VBP1: variants seen among roughly 807,000 people sequenced by gnomAD.
VBP1 encodes VHL binding protein 1.
In VBP1, 4 loss-of-function variants were observed where a neutral mutation model predicts 15.5. That is an observed-to-expected ratio of 0.26 (90% CI 0.13 to 0.59). VBP1 has a LOEUF of 0.59. Ranked by LOEUF, VBP1 falls within the 20% of genes least tolerant of loss-of-function variation. The probability of loss-of-function intolerance (pLI) is 0.90; values close to 1 mark genes in which losing one functional copy is unlikely to be tolerated. For synonymous variants in VBP1, 61 were observed against 52.1 expected, an observed-to-expected ratio of 1.17 and a Z score of -0.74; for missense variants, 108 against 139.6, an observed-to-expected ratio of 0.77 and a Z score of 1.14.
At chrX:155,202,917 A>T (rs1443938723) in intron 1 of VBP1, among the ~76,000 whole-genome samples, 1 of 111,940 alleles carries the variant, frequency 8.9e-6, no homozygotes, top group Non-Finnish European at 1.9e-5. Context: ...TACAATAAAA[A>T]ATCAAACAAC....
chrX:155,198,131 C>T (rs2074585873), intron 1 of VBP1, among the ~76,000 whole-genome samples: 1 of 112,754 alleles, frequency 8.9e-6, no homozygotes, highest in South Asian at 3.6e-4. Context: ...TGGAGCCCAC[C>T]ACAGCTCAAG....
intron 2 of VBP1, among the ~76,000 whole-genome samples, chrX:155,209,370 CAG>C (rs1271315825): frequency 8.9e-6 from 1 of 111,993 alleles, no homozygotes; most frequent in Non-Finnish European, 1.9e-5. Context: ...TAAAAATAGA[CAG>C]AGAGTTAACA....
Position 155,234,928 on chromosome X carries a change from G to A in VBP1, c.385-1301G>A, listed in dbSNP as rs111807257. Among the ~76,000 whole-genome samples the A allele has an allele frequency of 3.1e-3, 347 of 111,872 alleles. 1 individual carries two copies. Among genetic ancestry groups the A allele is most frequent in the Non-Finnish European group, 5.6e-3 (295 of 53,135 alleles). On this transcript the variant is annotated intron_variant, in intron 4 of 5. Transcript: ENST00000286428. ...TATTTCCTTGAGCATCTTATACAGT[G>A]CCCCATTTTCTTTTGTTGTAAAGCA...
intron 4 of VBP1, among the ~76,000 whole-genome samples, chrX:155,235,116 ATGTG>A (rs112094871): frequency 1.2e-3 from 116 of 97,388 alleles, no homozygotes; most frequent in East Asian, 5.2e-3. Flanking sequence ...GTGTGTGTGT[ATGTG>A]TGTGTGTGTG....
chrX:155,223,809 G>A (rs782108840), intron 2 of VBP1, among the ~76,000 whole-genome samples: 17 of 107,696 alleles, frequency 1.6e-4, no homozygotes, highest in African/African-American at 4.1e-4. Context: ...CGGACGGGGC[G>A]GCTGGCCGGG....
intron 1 of VBP1, among the ~76,000 whole-genome samples, chrX:155,202,057 C>T (rs76477390): frequency 1.7e-3 from 184 of 110,861 alleles, no homozygotes; most frequent in African/African-American, 3.4e-3. Flanking sequence ...TTACAAGGGA[C>T]GTGAAGGACC....
At chrX:155,226,981 T>G (rs1602889259) in intron 2 of VBP1, among the ~76,000 whole-genome samples, 1 of 110,887 alleles carries the variant, frequency 9.0e-6, no homozygotes, top group East Asian at 2.8e-4. Context: ...ATATTTTTAT[T>G]AAGTATTTAT....
At chrX:155,215,652 C>T (rs1016240738), upstream of VBP1, among the ~76,000 whole-genome samples, 8 of 112,224 alleles carry the variant, frequency 7.1e-5, no homozygotes, top group South Asian at 3.6e-4. Flanking sequence ...TTCTTAGGCT[C>T]ATGGTAGAAT....
chrX:155,228,743 C>G (rs1325646053), intron 4 of VBP1, among the ~76,000 whole-genome samples: 2 of 111,626 alleles, frequency 1.8e-5, no homozygotes, highest in African/African-American at 3.3e-5. Flanking sequence ...TAAAACTGAT[C>G]AAACAAACCC....
At chrX:155,221,619 C>T (rs965123299) in intron 2 of VBP1, among the ~76,000 whole-genome samples, 7 of 112,153 alleles carry the variant, frequency 6.2e-5, no homozygotes, top group African/African-American at 1.9e-4. Context: ...TAACTCATTA[C>T]TTTGTACCAA....
rs185365331 is a variant in VBP1, at chrX:155,237,326, C to T, written c.523+959C>T. Among the ~76,000 whole-genome samples, 57 of 111,381 alleles carry T rather than the reference C, an allele frequency of 5.1e-4. 1 individual carries two copies. The East Asian group carries it at 0.014, about 27-fold the overall frequency. ...CAGTCGCCAGATTCACATCAAATTT[C>T]CCTCATAAATCTCTCTGCCCATTAC... is the stretch of plus-strand genomic sequence containing the variant. On this transcript the variant is annotated intron_variant, in intron 5 of 5. Coordinates refer to ENST00000286428, the MANE Select transcript of VBP1 (RefSeq NM_003372.7).
intron 1 of VBP1, among the ~76,000 whole-genome samples, chrX:155,205,925 A>G (rs1418429651): frequency 8.9e-6 from 1 of 112,396 alleles, no homozygotes; most frequent in Non-Finnish European, 1.9e-5. Flanking sequence ...CTGCTAACGT[A>G]AAGGTCTCTA....
Position 155,227,222 on chromosome X carries a change from T to G in VBP1, c.219-13T>G. The G allele has an allele frequency of 8.4e-7, 1 of 1,187,916 alleles. No individual in the cohort carries two copies. On this transcript the variant is annotated splice_polypyrimidine_tract_variant and intron_variant, in intron 2 of 5. Transcript: ENST00000286428. The stretch of plus-strand genomic sequence containing the variant: ...CCTGCAAAATACTAAGTTACTCTTT[T>G]TCTTGTTCACAGGCTAAAAGGTCAG...
At chrX:155,216,356 G>T, upstream of VBP1, 8 of 1,112,236 alleles carry the variant, frequency 7.2e-6, no homozygotes, top group Non-Finnish European at 9.5e-6. Flanking sequence ...GACTTGTGGG[G>T]GACGCTCCCT....
chrX:155,224,225 C>T lies in VBP1; in HGVS notation c.219-3010C>T, dbSNP rs1233553153. 3.6e-5 allele frequency among the ~76,000 whole-genome samples: 4 copies of T among 112,536 alleles called. No homozygotes were observed. In the Admixed American group the frequency reaches 3.7e-4, roughly 10 times the overall value. On this transcript the variant is annotated intron_variant, in intron 2 of 5. Transcript: ENST00000286428. ...GGCGGCCGGGCAGAGGCTGCAATCT[C>T]GGCACTTTGGGAGGCCAAGGCAGGC... is the stretch of plus-strand genomic sequence containing the variant.
intron 2 of VBP1, 101 bp downstream of exon 2, chrX:155,220,408 G>T (rs2074683687): frequency 1.3e-6 from 1 of 744,463 alleles, no homozygotes; most frequent in Admixed American, 4.8e-5. Context: ...GATGTCAAGT[G>T]TTCAGTCCTC....
chrX:155,198,866 A>C (rs1602861790), intron 1 of VBP1, among the ~76,000 whole-genome samples: 2 of 111,813 alleles, frequency 1.8e-5, no homozygotes, highest in South Asian at 7.3e-4. Context: ...TTTGAAAAAA[A>C]TTTAGACGAA....
intron 4 of VBP1, among the ~76,000 whole-genome samples, chrX:155,233,609 C>T (rs2074757261): frequency 8.9e-6 from 1 of 112,162 alleles, no homozygotes. Flanking sequence ...AGCCATAATT[C>T]TTGCCTACTA....
upstream of VBP1, among the ~76,000 whole-genome samples, chrX:155,212,612 G>A (rs1222907856): frequency 8.9e-6 from 1 of 111,992 alleles, no homozygotes; most frequent in South Asian, 3.7e-4. Context: ...AGGACACTGA[G>A]CTAGATAGGT....
Sources: allele counts gnomAD v4.1 joint callset (sites outside exome capture counted in the v4.1 genomes callset), GRCh38; gene constraint gnomAD v4.1.1; transcripts MANE v1.5; gene names NCBI Gene and HGNC (gene_info 2026-07-23, HGNC 2026-07-21).